Variants in CYRIA observed in about 807,000 individuals in gnomAD.
The protein encoded by CYRIA is CYFIP-related Rac1 interactor A.
Under a neutral mutation model 43.9 loss-of-function variants are expected in CYRIA, and 15 were observed. The observed-to-expected ratio is 0.34, with a 90% confidence interval of 0.23 to 0.53. The LOEUF (loss-of-function observed/expected upper bound fraction) is 0.53, where lower values mean the gene tolerates loss of function less well. Ranked by LOEUF, CYRIA falls within the 20% of genes least tolerant of loss-of-function variation. CYRIA has a pLI of 0.94. For synonymous variants in CYRIA, 117 were observed against 136.0 expected (o/e 0.86, Z 0.97); for missense variants, 236 against 394.2 (o/e 0.60, Z 3.40).
rs889858502 is a variant in CYRIA at position 16,551,715 on chromosome 2, G to A, written c.*1221C>T. 6.6e-6 allele frequency: 1 copy of A among 152,296 alleles called. No individual in the cohort carries two copies. The highest frequency in any genetic ancestry group is 3.4e-3 in the Middle Eastern group (1 of 294). The allele number at this position is 152,296 out of a possible 1,614,324, so 9.4% of individuals were successfully genotyped here. On this transcript the variant is annotated 3_prime_UTR_variant, in exon 12 of 12. Transcript: ENST00000381323. ...CTACGTACTAAGGAAGAAGGGCGGA[G>A]TCAGTCATTTTATCGGCATTAACCT...
chr2:16,650,920 C>T lies in CYRIA; in HGVS notation c.-167+14860G>A, dbSNP rs564748507. On this transcript the variant is annotated intron_variant, in intron 1 of 11. Transcript: ENST00000381323. This position sits in a 1 kb window ranked among gnomAD's most constrained non-coding sequence, Gnocchi z 4.1. ...CAAACCTTATTGTTCTTTTTCTTTG[C>T]TTTATTATCTTCTTTCTCTCTTACT... Among the ~76,000 whole-genome samples the T allele has an allele frequency of 5.3e-4, 80 of 152,150 alleles. 1 individual carries two copies. Among genetic ancestry groups the T allele is most frequent in the African/African-American group, 1.9e-3 (77 of 41,500 alleles).
chr2:16,642,887 C>A (rs1037332981), intron 1 of CYRIA, among the ~76,000 whole-genome samples: 1 of 152,098 alleles, frequency 6.6e-6, no homozygotes. Context: ...GCCTTCCCTG[C>A]AACAGCCATA....
intron 3 of CYRIA, among the ~76,000 whole-genome samples, chr2:16,576,892 G>A (rs968742412): frequency 1.2e-4 from 19 of 152,176 alleles, no homozygotes; most frequent in African/African-American, 4.3e-4. Context: ...AGGATATTAT[G>A]CTAAGCAAAA....
At chr2:16,614,521 G>A (rs1048806648) in intron 2 of CYRIA, among the ~76,000 whole-genome samples, 14 of 152,132 alleles carry the variant, frequency 9.2e-5, no homozygotes, top group Non-Finnish European at 1.3e-4. Flanking sequence ...CTCTACATTC[G>A]AACGCTTTGC....
intron 2 of CYRIA, among the ~76,000 whole-genome samples, chr2:16,606,600 C>G (rs1668407332): frequency 6.6e-6 from 1 of 151,506 alleles, no homozygotes; most frequent in African/African-American, 2.4e-5. Flanking sequence ...CCCTGCCCAG[C>G]TTTCATTCCA....
At chr2:16,555,892 G>A (rs1037187366) in intron 10 of CYRIA, among the ~76,000 whole-genome samples, 1 of 152,240 alleles carries the variant, frequency 6.6e-6, no homozygotes, top group African/African-American at 2.4e-5. Context: ...CTAAATGCCT[G>A]AGTTTCCTTC....
intron 3 of CYRIA, among the ~76,000 whole-genome samples, chr2:16,569,063 T>A (rs1667042204): frequency 6.6e-6 from 1 of 152,214 alleles, no homozygotes; most frequent in Non-Finnish European, 1.5e-5. Flanking sequence ...AAAAAGGTAC[T>A]GGCACTAGAG....
chr2:16,652,145 T>C (rs1410417451), intron 1 of CYRIA, among the ~76,000 whole-genome samples: 3 of 152,186 alleles, frequency 2.0e-5, no homozygotes, highest in Admixed American at 6.6e-5. Flanking sequence ...CACATACTTC[T>C]GGTTGGAAAT....
chr2:16,648,327 C>CAAAAA (rs59091239), intron 1 of CYRIA, among the ~76,000 whole-genome samples: 86 of 122,188 alleles, frequency 7.0e-4, no homozygotes, highest in African/African-American at 2.2e-3. Flanking sequence ...ATGACAACAG[C>CAAAAA]AAAAAAAAAA....
chr2:16,634,353 T>C (rs1669428584), intron 1 of CYRIA, among the ~76,000 whole-genome samples: 1 of 152,194 alleles, frequency 6.6e-6, no homozygotes, highest in African/African-American at 2.4e-5. Flanking sequence ...AGCCCCCCAC[T>C]GTCACCACTT....
At chr2:16,625,926 G>C (rs781582115) in intron 1 of CYRIA, among the ~76,000 whole-genome samples, 32 of 151,638 alleles carry the variant, frequency 2.1e-4, no homozygotes, top group Admixed American at 3.9e-4. Context: ...CAGCACAAAT[G>C]CTGCTATTTT....
intron 1 of CYRIA, among the ~76,000 whole-genome samples, chr2:16,644,130 A>G (rs1669753215): frequency 6.6e-6 from 1 of 152,212 alleles, no homozygotes. Flanking sequence ...CTTATATAAT[A>G]AAACGAAGCT....
chr2:16,627,013 G>GTGCCT (rs112900932), intron 1 of CYRIA, among the ~76,000 whole-genome samples: 5,363 of 152,292 alleles, frequency 0.035, 306 homozygotes, highest in African/African-American at 0.12. Context: ...GAGACAGGAG[G>GTGCCT]TGCCTTATCC....
chr2:16,557,890 A>C (rs986858984), intron 10 of CYRIA, among the ~76,000 whole-genome samples: 3 of 152,184 alleles, frequency 2.0e-5, no homozygotes, highest in Non-Finnish European at 2.9e-5. Flanking sequence ...AACTCAACCC[A>C]TAGTCAAATA....
intron 1 of CYRIA, among the ~76,000 whole-genome samples, chr2:16,636,691 T>G (rs958928143): frequency 1.3e-5 from 2 of 151,860 alleles, no homozygotes; most frequent in Non-Finnish European, 2.9e-5. Context: ...TTACAATCCA[T>G]CTGGGACCTA....
chr2:16,652,879 A>G (rs943265667), intron 1 of CYRIA, among the ~76,000 whole-genome samples: 1 of 152,088 alleles, frequency 6.6e-6, no homozygotes, highest in Non-Finnish European at 1.5e-5. Context: ...TTCCTTAGCA[A>G]TCCTGCCCAT....
chr2:16,608,787 C>T (rs1558424475), intron 2 of CYRIA, among the ~76,000 whole-genome samples: 1 of 152,214 alleles, frequency 6.6e-6, no homozygotes, highest in African/African-American at 2.4e-5. Context: ...ACAGCGCAAA[C>T]AAGTCATTGC....
intron 1 of CYRIA, among the ~76,000 whole-genome samples, chr2:16,655,586 G>C (rs1670089743): frequency 6.6e-6 from 1 of 152,126 alleles, no homozygotes; most frequent in Non-Finnish European, 1.5e-5. Context: ...CCCTGCTTGG[G>C]CTTGACCCTA....
At chr2:16,640,678 G>A (rs1031479056) in intron 1 of CYRIA, among the ~76,000 whole-genome samples, 2 of 152,306 alleles carry the variant, frequency 1.3e-5, no homozygotes, top group South Asian at 4.1e-4. Flanking sequence ...CACTGGATCA[G>A]ATCAGGTGCA....
Sources: allele counts gnomAD v4.1 joint callset (sites outside exome capture counted in the v4.1 genomes callset), GRCh38; gene constraint gnomAD v4.1.1; non-coding constraint Gnocchi (gnomAD v3.1); transcripts MANE v1.5; gene names NCBI Gene and HGNC (gene_info 2026-07-23, HGNC 2026-07-21).